The following CNTNAP2 variants were observed in gnomAD, a reference collection of about 807,000 sequenced individuals.
The protein encoded by CNTNAP2 is contactin associated protein 2.
A neutral mutation model predicts 155.2 loss-of-function variants in CNTNAP2; 98 were observed. The ratio of observed to expected loss-of-function variants is 0.63; its 90% CI spans 0.54 to 0.75. The LOEUF (loss-of-function observed/expected upper bound fraction) is 0.75, where lower values mean the gene tolerates loss of function less well. Ranked by LOEUF, CNTNAP2 falls within the 30% of genes least tolerant of loss-of-function variation. The pLI is 0.00. For missense variants in CNTNAP2, 1,727 were observed against 1,688.1 expected (o/e 1.02, Z -0.40); for synonymous variants, 651 against 631.2 (o/e 1.03, Z -0.47).
chr7:146,193,263 A>C (rs1048258865), intron 1 of CNTNAP2, among the ~76,000 whole-genome samples: 6 of 152,184 alleles, frequency 3.9e-5, no homozygotes, highest in African/African-American at 1.2e-4. Flanking sequence ...TCCACTAGGC[A>C]GTGCCCCTGG....
chr7:146,348,742 G>A (rs772340220), intron 1 of CNTNAP2, among the ~76,000 whole-genome samples: 4 of 142,684 alleles, frequency 2.8e-5, no homozygotes, highest in African/African-American at 8.5e-5. Context: ...AACAGATTTC[G>A]ATATCTTGTC....
At chr7:147,063,314 G>A (rs1283356549) in intron 4 of CNTNAP2, among the ~76,000 whole-genome samples, 1 of 152,142 alleles carries the variant, frequency 6.6e-6, no homozygotes, top group Non-Finnish European at 1.5e-5. Context: ...AGTTGTGAAA[G>A]AATGAATCCC....
intron 1 of CNTNAP2, among the ~76,000 whole-genome samples, chr7:146,477,227 T>A (rs777850273): frequency 1.3e-5 from 2 of 152,198 alleles, no homozygotes; most frequent in Non-Finnish European, 2.9e-5. Flanking sequence ...AACGAATTTA[T>A]CACTAAGGAC....
chr7:147,202,965 TAA>T (rs1043002489), intron 8 of CNTNAP2, among the ~76,000 whole-genome samples: 4 of 151,398 alleles, frequency 2.6e-5, no homozygotes, highest in African/African-American at 9.7e-5. Flanking sequence ...AAATATTCCA[TAA>T]GTCTGATTCT....
At chr7:146,227,902 A>G (rs1799322331) in intron 1 of CNTNAP2, among the ~76,000 whole-genome samples, 2 of 152,252 alleles carry the variant, frequency 1.3e-5, no homozygotes. Context: ...TCGGTCTCAA[A>G]GCAGAGGAAT....
chr7:146,874,968 CAT>C (rs1168209367), intron 3 of CNTNAP2, among the ~76,000 whole-genome samples: 1 of 152,180 alleles, frequency 6.6e-6, no homozygotes, highest in African/African-American at 2.4e-5. Flanking sequence ...CTGCTTTGCA[CAT>C]GTTTTGAACT....
chr7:146,216,855 C>T (rs1584806885), intron 1 of CNTNAP2, among the ~76,000 whole-genome samples: 1 of 152,156 alleles, frequency 6.6e-6, no homozygotes, highest in East Asian at 1.9e-4. Context: ...TTTATATCAT[C>T]ACCTGTTTCA....
intron 8 of CNTNAP2, among the ~76,000 whole-genome samples, chr7:147,274,211 A>G (rs1804840033): frequency 6.6e-6 from 1 of 152,038 alleles, no homozygotes; most frequent in Non-Finnish European, 1.5e-5. Context: ...GTAGTTTTAC[A>G]TCTTTGAGAG....
chr7:147,299,407 G>A (rs1452832543), intron 8 of CNTNAP2, among the ~76,000 whole-genome samples: 5 of 150,540 alleles, frequency 3.3e-5, no homozygotes, highest in South Asian at 2.1e-4. Flanking sequence ...CATTGTTGGG[G>A]ATATGCATTC....
chr7:147,757,019 G>C (rs530769196), intron 13 of CNTNAP2, among the ~76,000 whole-genome samples: 1 of 152,278 alleles, frequency 6.6e-6, no homozygotes, highest in Admixed American at 6.5e-5. Flanking sequence ...ACCTCTGGTT[G>C]AATAACCTCT....
At chr7:146,806,108 A>G (rs1802962472) in intron 2 of CNTNAP2, among the ~76,000 whole-genome samples, 1 of 152,196 alleles carries the variant, frequency 6.6e-6, no homozygotes, top group South Asian at 2.1e-4. Flanking sequence ...GTCATAGGTA[A>G]AACACTAATT....
chr7:146,365,579 T>C (rs375240635), intron 1 of CNTNAP2, among the ~76,000 whole-genome samples: 8 of 152,326 alleles, frequency 5.3e-5, no homozygotes, highest in African/African-American at 1.9e-4. Context: ...CAGACTTTTA[T>C]GTCAGTGTTT....
intron 1 of CNTNAP2, among the ~76,000 whole-genome samples, chr7:146,265,190 T>TACATAATACCATTATG: frequency 6.6e-6 from 1 of 152,228 alleles, no homozygotes; most frequent in African/African-American, 2.4e-5. Context: ...ATAACTATCA[T>TACATAATACCATTATG]ACATAATACC....
At chr7:147,985,204 C>T (rs1282476572) in intron 15 of CNTNAP2, among the ~76,000 whole-genome samples, 4 of 151,772 alleles carry the variant, frequency 2.6e-5, no homozygotes, top group Non-Finnish European at 5.9e-5. Flanking sequence ...TGGTAATCCC[C>T]TCAACAGAAT....
chr7:146,751,824 G>A (rs1486549713), intron 1 of CNTNAP2, among the ~76,000 whole-genome samples: 1 of 151,866 alleles, frequency 6.6e-6, no homozygotes, highest in African/African-American at 2.4e-5. Context: ...CCCTCGCTGT[G>A]TCCTTGTGTT....
chr7:147,270,559 T>C (rs1408723086), intron 8 of CNTNAP2, among the ~76,000 whole-genome samples: 3 of 152,212 alleles, frequency 2.0e-5, no homozygotes, highest in African/African-American at 7.2e-5. Context: ...GCAATGACTC[T>C]TAGCCCTGGC....
At position 146,442,242 on chromosome 7, in the gene CNTNAP2, C is replaced by T. The variant is rs181218068; in HGVS notation, c.97+325269C>T. ...AGGGTTCATCCTTATCTTCTTGCAT[C>T]GAGGGTTTCTTATGCCCATCTAATT... On this transcript the variant is annotated intron_variant, in intron 1 of 23. Transcript: ENST00000361727. Among the ~76,000 whole-genome samples the T allele has an allele frequency of 2.3e-3, 354 of 151,668 alleles. 3 individuals are homozygous for T. Among genetic ancestry groups the T allele is most frequent in the Non-Finnish European group, 9.4e-4 (64 of 67,998 alleles).
chr7:146,519,078 C>T (rs759518547), intron 1 of CNTNAP2, among the ~76,000 whole-genome samples: 3 of 151,822 alleles, frequency 2.0e-5, no homozygotes, highest in Non-Finnish European at 2.9e-5. Context: ...CATCTCTAAA[C>T]GAGCGTGTGT....
At chr7:147,853,800 T>C (rs1461892613) in intron 13 of CNTNAP2, among the ~76,000 whole-genome samples, 1 of 152,218 alleles carries the variant, frequency 6.6e-6, no homozygotes, top group Non-Finnish European at 1.5e-5. Context: ...AGAATTTCAC[T>C]GATTAGGCAT....
Sources: gnomAD v4.1 joint callset for allele counts (sites outside exome capture counted in the v4.1 genomes callset) on GRCh38, gnomAD v4.1.1 for gene constraint, MANE v1.5 for transcripts, NCBI Gene and HGNC (gene_info 2026-07-23, HGNC 2026-07-21) for gene names.